Variants in TAFA5 observed in about 807,000 individuals in gnomAD.
TAFA5 encodes the protein TAFA chemokine like family member 5, also known as chemokine-like protein TAFA-5.
In TAFA5, 6 loss-of-function variants were observed where a neutral mutation model predicts 15.3. The ratio of observed to expected loss-of-function variants is 0.39; its 90% CI spans 0.21 to 0.77. TAFA5 has a LOEUF of 0.77. Among genes scored for constraint, TAFA5 ranks in the 30% least tolerant of loss-of-function variants. The pLI is 0.41. For missense variants in TAFA5, 161 were observed against 193.1 expected (o/e 0.83, Z 0.98); for synonymous variants, 103 against 80.7 (o/e 1.28, Z -1.48).
chr22:48,730,101 G>A (rs1329173572), intron 3 of TAFA5, among the ~76,000 whole-genome samples: 3 of 152,112 alleles, frequency 2.0e-5, no homozygotes, highest in Non-Finnish European at 4.4e-5. Flanking sequence ...AGAAAAAAAA[G>A]AGGCTGGGCA....
chr22:48,673,623 GCTGTGTA>G (rs1030466679), intron 2 of TAFA5, among the ~76,000 whole-genome samples: 1 of 152,214 alleles, frequency 6.6e-6, no homozygotes, highest in Non-Finnish European at 1.5e-5. Context: ...GGACTGCCTG[GCTGTGTA>G]CTGTGTGTAG....
At chr22:48,636,698 C>A (rs537693278) in intron 1 of TAFA5, among the ~76,000 whole-genome samples, 1 of 152,278 alleles carries the variant, frequency 6.6e-6, no homozygotes, top group South Asian at 2.1e-4. Flanking sequence ...CTGCTGCCTC[C>A]GAACCCCAGG....
At chr22:48,532,470 C>G (rs1276389879) in intron 1 of TAFA5, among the ~76,000 whole-genome samples, 1 of 152,214 alleles carries the variant, frequency 6.6e-6, no homozygotes, top group Non-Finnish European at 1.5e-5. Context: ...ATTGTGTCTT[C>G]AGGATAGTCT....
chr22:48,525,569 C>CT (rs1298014461), intron 1 of TAFA5, among the ~76,000 whole-genome samples: 1 of 152,234 alleles, frequency 6.6e-6, no homozygotes, highest in Non-Finnish European at 1.5e-5. Flanking sequence ...GGTCCACCCT[C>CT]TGCCTCAGCG....
chr22:48,641,278 T>TG (rs890165663), intron 1 of TAFA5, among the ~76,000 whole-genome samples: 2 of 152,142 alleles, frequency 1.3e-5, no homozygotes, highest in Non-Finnish European at 2.9e-5. Flanking sequence ...TGTGAAATGA[T>TG]GCGTGACAAA....
intron 3 of TAFA5, among the ~76,000 whole-genome samples, chr22:48,709,457 C>G (rs1569089122): frequency 6.6e-6 from 1 of 152,208 alleles, no homozygotes. Flanking sequence ...GCAACACAAA[C>G]AGCAGGTGCA....
chr22:48,542,552 GTA>G, intron 1 of TAFA5, among the ~76,000 whole-genome samples: 7 of 79,194 alleles, frequency 8.8e-5, no homozygotes, highest in East Asian at 4.1e-4. Flanking sequence ...TGTGTGATGT[GTA>G]TGTGTGTGTG....
intron 1 of TAFA5, among the ~76,000 whole-genome samples, chr22:48,551,403 T>C (rs545709921): frequency 6.6e-6 from 1 of 152,218 alleles, no homozygotes; most frequent in East Asian, 1.9e-4. Context: ...CCGTATCCTC[T>C]CCTCTCACCT....
At chr22:48,722,816 G>A (rs1268897590) in intron 3 of TAFA5, among the ~76,000 whole-genome samples, 1 of 152,160 alleles carries the variant, frequency 6.6e-6, no homozygotes, top group East Asian at 1.9e-4. Context: ...CCAATCAGCT[G>A]GGCTGCACGC....
chr22:48,671,355 C>T (rs1927798985), intron 2 of TAFA5, among the ~76,000 whole-genome samples: 1 of 152,212 alleles, frequency 6.6e-6, no homozygotes, highest in Non-Finnish European at 1.5e-5. Flanking sequence ...TTTCTCTGCT[C>T]AGGGCATTTC....
rs548446218 is a variant in TAFA5, at chr22:48,670,698, C to T, written c.262+23952C>T. ...CTGGTTAATGACCCGGCAATTTTGCCGTCTCATCAGGATGTAGGAAAATGC... is the reference window on the plus strand; with the variant it reads ...CTGGTTAATGACCCGGCAATTTTGCTGTCTCATCAGGATGTAGGAAAATGC... On this transcript the variant is annotated intron_variant, in intron 2 of 3. Transcript: ENST00000402357. 5.3e-5 allele frequency among the ~76,000 whole-genome samples: 8 copies of T among 152,346 alleles called. No individual in the cohort carries two copies. In the East Asian group the frequency reaches 5.8e-4, roughly 11 times the overall value.
chr22:48,495,933 A>C (rs923440844), intron 1 of TAFA5, among the ~76,000 whole-genome samples: 5 of 152,198 alleles, frequency 3.3e-5, no homozygotes, highest in African/African-American at 1.2e-4. Context: ...TCCTGCCTAC[A>C]GGGCCTTCTA....
intron 1 of TAFA5, among the ~76,000 whole-genome samples, chr22:48,596,327 G>A (rs2147161662): frequency 6.6e-6 from 1 of 152,314 alleles, no homozygotes; most frequent in South Asian, 2.1e-4. Flanking sequence ...TCTGGGTTCT[G>A]GGCCCTGGGC....
intron 1 of TAFA5, among the ~76,000 whole-genome samples, chr22:48,630,531 G>A (rs969054940): frequency 2.0e-5 from 3 of 152,150 alleles, no homozygotes; most frequent in Non-Finnish European, 2.9e-5. Flanking sequence ...AGCCTCGCTC[G>A]GGCCCAGGGC....
At chr22:48,689,452 A>G (rs979340507) in intron 2 of TAFA5, among the ~76,000 whole-genome samples, 1 of 152,112 alleles carries the variant, frequency 6.6e-6, no homozygotes, top group African/African-American at 2.4e-5. Context: ...GCCAGCCTGT[A>G]CCCTCAGACC....
At chr22:48,590,862 T>C (rs1425714292) in intron 1 of TAFA5, among the ~76,000 whole-genome samples, 1 of 151,954 alleles carries the variant, frequency 6.6e-6, no homozygotes, top group Non-Finnish European at 1.5e-5. Flanking sequence ...TTTTTTTTTT[T>C]TCTTTTTGAG....
chr22:48,571,593 T>G (rs1225657260), intron 1 of TAFA5, among the ~76,000 whole-genome samples: 2 of 143,694 alleles, frequency 1.4e-5, no homozygotes, highest in East Asian at 2.0e-4. Context: ...TTTTTTTTTT[T>G]TTTTTTTTTT....
At chr22:48,648,379 C>T (rs1331436309) in intron 2 of TAFA5, among the ~76,000 whole-genome samples, 1 of 152,150 alleles carries the variant, frequency 6.6e-6, no homozygotes, top group Non-Finnish European at 1.5e-5. Context: ...AGGAGCCTGA[C>T]GTGGGCAGCC....
chr22:48,638,934 CG>C (rs139592919), intron 1 of TAFA5, among the ~76,000 whole-genome samples: 1,904 of 83,518 alleles, frequency 0.023, 291 homozygotes, highest in African/African-American at 0.055. Flanking sequence ...TCACCGCACA[CG>C]GGGGGACCCC....
Sources: allele counts gnomAD v4.1 joint callset (sites outside exome capture counted in the v4.1 genomes callset), GRCh38; gene constraint gnomAD v4.1.1; transcripts MANE v1.5; gene names NCBI Gene and HGNC (gene_info 2026-07-23, HGNC 2026-07-21).